The following IGFL2 variants were observed in gnomAD, a reference collection of about 807,000 sequenced individuals.
IGFL2 encodes the protein IGF like family member 2.
Under a neutral mutation model 13.9 loss-of-function variants are expected in IGFL2, and 7 were observed. The ratio of observed to expected loss-of-function variants is 0.51; its 90% CI spans 0.29 to 0.95. IGFL2 has a LOEUF of 0.95. Among genes scored for constraint, IGFL2 ranks in the 40% least tolerant of loss-of-function variants. IGFL2 has a pLI of 0.08. For synonymous variants in IGFL2, 55 were observed against 55.8 expected, an observed-to-expected ratio of 0.99 and a Z score of 0.07; for missense variants, 138 against 147.8, an observed-to-expected ratio of 0.93 and a Z score of 0.34.
chr19:46,088,935 T>C, the IGFL2 span, among the ~76,000 whole-genome samples: 1 of 152,184 alleles, frequency 6.6e-6, no homozygotes, highest in African/African-American at 2.4e-5. Context: ...AAGGAAGTCA[T>C]TCTATGAACA....
the IGFL2 span, among the ~76,000 whole-genome samples, chr19:46,086,655 C>T: frequency 6.6e-6 from 1 of 152,204 alleles, no homozygotes; most frequent in Non-Finnish European, 1.5e-5. Context: ...GGATCTGTTG[C>T]TAGTGAATTA....
chr19:46,154,570 A>C (rs529428815), intron 1 of IGFL2, among the ~76,000 whole-genome samples: 14 of 151,956 alleles, frequency 9.2e-5, no homozygotes, highest in African/African-American at 3.4e-4. Flanking sequence ...CAGCCTCCCA[A>C]GTAGCTGGAA....
the IGFL2 span, among the ~76,000 whole-genome samples, chr19:46,114,027 A>G: frequency 1.3e-5 from 2 of 152,180 alleles, no homozygotes; most frequent in South Asian, 4.1e-4. Flanking sequence ...TCTACAATAA[A>G]CAGCCCAGGA....
chr19:46,194,869 T>A, the IGFL2 span, among the ~76,000 whole-genome samples: 186 of 131,662 alleles, frequency 1.4e-3, 1 homozygote, highest in Non-Finnish European at 2.4e-3. Context: ...TTTTTTTTTT[T>A]TTTTTTTTTT....
the IGFL2 span, among the ~76,000 whole-genome samples, chr19:46,198,855 T>C: frequency 6.6e-6 from 1 of 152,146 alleles, no homozygotes; most frequent in African/African-American, 2.4e-5. Context: ...GCCTATCCCC[T>C]GGGAGGGGCT....
At chr19:46,191,372 C>G in the IGFL2 span, among the ~76,000 whole-genome samples, 1 of 151,976 alleles carries the variant, frequency 6.6e-6, no homozygotes, top group Non-Finnish European at 1.5e-5. Context: ...CCTCCCAGGG[C>G]GGGGTGAGGG....
At chr19:46,157,933 C>T (rs555463611) in intron 1 of IGFL2, among the ~76,000 whole-genome samples, 10 of 152,298 alleles carry the variant, frequency 6.6e-5, no homozygotes, top group African/African-American at 2.4e-4. Flanking sequence ...GTGAGTTTAG[C>T]AAGGTTTCAG....
chr19:46,108,222 GA>G, the IGFL2 span, among the ~76,000 whole-genome samples: 1 of 152,138 alleles, frequency 6.6e-6, no homozygotes, highest in African/African-American at 2.4e-5. Flanking sequence ...GAGACTGAAG[GA>G]ACAGTCAGGA....
the IGFL2 span, among the ~76,000 whole-genome samples, chr19:46,079,417 G>T: frequency 6.6e-6 from 1 of 152,282 alleles, no homozygotes; most frequent in Admixed American, 6.5e-5. Context: ...TGCGTACCAT[G>T]GTGCACCTGG....
the IGFL2 span, among the ~76,000 whole-genome samples, chr19:46,202,062 G>A: frequency 6.6e-6 from 1 of 152,086 alleles, no homozygotes; most frequent in Non-Finnish European, 1.5e-5. Flanking sequence ...GTGGGGAGGA[G>A]GGGAGAGGTC....
chr19:46,079,378 C>T, the IGFL2 span, among the ~76,000 whole-genome samples: 1 of 152,346 alleles, frequency 6.6e-6, no homozygotes, highest in East Asian at 1.9e-4. Context: ...CAAGAGTTCC[C>T]CGCCTAGAAA....
chr19:46,079,477 G>T, the IGFL2 span, among the ~76,000 whole-genome samples: 1 of 152,162 alleles, frequency 6.6e-6, no homozygotes, highest in South Asian at 2.1e-4. Context: ...GCGGATTGGA[G>T]CCTGTTTGCA....
upstream of IGFL2, among the ~76,000 whole-genome samples, chr19:46,147,458 G>T (rs1438520958): frequency 6.6e-6 from 1 of 152,170 alleles, no homozygotes; most frequent in Non-Finnish European, 1.5e-5. Context: ...CAGCTTGCCT[G>T]ACTGCCTAGG....
chr19:46,145,084 A>G (rs528326935), upstream of IGFL2, among the ~76,000 whole-genome samples: 127 of 152,300 alleles, frequency 8.3e-4, 2 homozygotes, highest in Middle Eastern at 0.017. Flanking sequence ...AAATACTATG[A>G]ACGATTGTGC....
chr19:46,079,535 T>C, the IGFL2 span, among the ~76,000 whole-genome samples: 1 of 152,124 alleles, frequency 6.6e-6, no homozygotes, highest in Non-Finnish European at 1.5e-5. Context: ...CAGAAGTTCT[T>C]TGCCCCTGGC....
chr19:46,206,597 G>A, the IGFL2 span: 1 of 152,162 alleles, frequency 6.6e-6, no homozygotes, highest in African/African-American at 2.4e-5. Flanking sequence ...GTAACTGTTT[G>A]GCTGTGACTT....
chr19:46,181,623 G>A, the IGFL2 span, among the ~76,000 whole-genome samples: 11 of 152,202 alleles, frequency 7.2e-5, no homozygotes, highest in African/African-American at 2.4e-4. Context: ...AACTGACTCA[G>A]CTGCGTAAAG....
At chr19:46,129,106 G>A in the IGFL2 span, among the ~76,000 whole-genome samples, 1 of 152,044 alleles carries the variant, frequency 6.6e-6, no homozygotes, top group South Asian at 2.1e-4. Context: ...TCAGTTTCTT[G>A]TAGATTTTCT....
the IGFL2 span, among the ~76,000 whole-genome samples, chr19:46,105,701 T>C: frequency 3.3e-5 from 5 of 152,280 alleles, no homozygotes; most frequent in South Asian, 8.3e-4. Flanking sequence ...TTATGAGAAC[T>C]GTAGGGAGTG....
Sources: allele counts gnomAD v4.1 joint callset (sites outside exome capture counted in the v4.1 genomes callset), GRCh38; gene constraint gnomAD v4.1.1; transcripts MANE v1.5; gene names NCBI Gene and HGNC (gene_info 2026-07-23, HGNC 2026-07-21).